RYR2: variants seen among roughly 807,000 people sequenced by gnomAD.
RYR2 encodes cardiac muscle ryanodine receptor-calcium release channel.
A neutral mutation model predicts 601.1 loss-of-function variants in RYR2; 227 were observed. The ratio of observed to expected loss-of-function variants is 0.38; its 90% CI spans 0.34 to 0.42. The LOEUF (loss-of-function observed/expected upper bound fraction) is 0.42. RYR2 is among the 10% of genes least tolerant of loss of function. The pLI is 1.00. For missense variants in RYR2, 4,646 were observed against 6,156.5 expected, an observed-to-expected ratio of 0.75 and a Z score of 8.21; for synonymous variants, 2,223 against 2,175.1, an observed-to-expected ratio of 1.02 and a Z score of -0.61.
chr1:237,667,972 A>T lies in RYR2; in HGVS notation c.8590+14A>T. On this transcript the variant is annotated intron_variant, in intron 58 of 104. Coordinates refer to ENST00000366574, the MANE Select transcript of RYR2 (RefSeq NM_001035.3). ...TGGAGTCCAAAGGTAATATTTTCTAAAAACGTTTATTAAAAAATAATCTGA... is the reference window on the plus strand; with the variant it reads ...TGGAGTCCAAAGGTAATATTTTCTATAAACGTTTATTAAAAAATAATCTGA... 1 of 1,545,706 alleles carries T rather than the reference A, an allele frequency of 6.5e-7. No homozygotes were observed. The highest frequency in any genetic ancestry group is 8.7e-7 in the Non-Finnish European group (1 of 1,142,922).
chr1:237,822,928 A>G (rs1169896627), intron 101 of RYR2, among the ~76,000 whole-genome samples: 3 of 152,220 alleles, frequency 2.0e-5, no homozygotes, highest in Non-Finnish European at 4.4e-5. Context: ...ACGAAGATCA[A>G]AAGAGACAAG....
At chr1:237,094,416 C>T (rs1022212034) in intron 1 of RYR2, among the ~76,000 whole-genome samples, 1 of 152,108 alleles carries the variant, frequency 6.6e-6, no homozygotes, top group African/African-American at 2.4e-5. Context: ...ACCATAGTAT[C>T]GTTTCTGTTT....
intron 35 of RYR2, among the ~76,000 whole-genome samples, chr1:237,602,684 T>C (rs1421409608): frequency 1.3e-5 from 2 of 152,174 alleles, no homozygotes; most frequent in African/African-American, 4.8e-5. Context: ...AAAGGATGCC[T>C]TCCAGAATGT....
intron 14 of RYR2, among the ~76,000 whole-genome samples, chr1:237,452,016 G>A (rs1018235969): frequency 6.8e-6 from 1 of 147,358 alleles, no homozygotes; most frequent in Admixed American, 6.9e-5. Context: ...GTGTGTTTGT[G>A]TTGTCTTCAG....
chr1:237,731,745 CAG>C (rs1314077159), intron 77 of RYR2, among the ~76,000 whole-genome samples: 2 of 151,944 alleles, frequency 1.3e-5, no homozygotes, highest in Non-Finnish European at 1.5e-5. Flanking sequence ...GGTAATGTAA[CAG>C]ATATCTAGCA....
Position 237,665,383 on chromosome 1 carries a change from G to T in RYR2, c.8437-1129G>T, listed in dbSNP as rs576512734. Among the ~76,000 whole-genome samples the T allele has an allele frequency of 4.9e-5, 7 of 143,616 alleles. 1 individual carries two copies. The East Asian group carries it at 1.3e-3, about 26-fold the overall frequency. 94.2% of individuals were successfully genotyped at this position (143,616 alleles called of 152,430 possible). ...CACTGCACTCCAGCCTGGTGACAGA[G>T]CGAGACTCTGTCTCAAAAAAAAAAA... On this transcript the variant is annotated intron_variant, in intron 56 of 104. Coordinates refer to ENST00000366574, the MANE Select transcript of RYR2 (RefSeq NM_001035.3).
chr1:237,497,788 A>G (rs1664228876), intron 20 of RYR2, among the ~76,000 whole-genome samples: 1 of 152,170 alleles, frequency 6.6e-6, no homozygotes, highest in Admixed American at 6.5e-5. Flanking sequence ...ATACTTACTG[A>G]ATTCTTTCTT....
Position 237,416,342 on chromosome 1 carries a change from C to A in RYR2, c.774-707C>A, listed in dbSNP as rs142223222. 8.5e-3 allele frequency among the ~76,000 whole-genome samples: 1,297 copies of A among 152,232 alleles called. 26 individuals are homozygous for A. Among genetic ancestry groups the A allele is most frequent in the African/African-American group, 0.03 (1,246 of 41,522 alleles). On this transcript the variant is annotated intron_variant, in intron 10 of 104. Coordinates refer to ENST00000366574, the MANE Select transcript of RYR2 (RefSeq NM_001035.3). The stretch of plus-strand genomic sequence containing the variant: ...GAAAGAAAGAGGGCATGTGCATCAG[C>A]TTTGGTTTCCAAAATAATCTCAAGG...
At chr1:237,159,995 T>A (rs572044949) in intron 1 of RYR2, among the ~76,000 whole-genome samples, 5 of 152,332 alleles carry the variant, frequency 3.3e-5, no homozygotes, top group African/African-American at 1.2e-4. Context: ...AATTTGAATA[T>A]CTGAGATTAG....
chr1:237,383,038 A>C (rs1701667999), intron 8 of RYR2, among the ~76,000 whole-genome samples: 2 of 152,124 alleles, frequency 1.3e-5, no homozygotes, highest in Non-Finnish European at 2.9e-5. Context: ...AGTACCTGAA[A>C]GTTTAATAAA....
intron 1 of RYR2, among the ~76,000 whole-genome samples, chr1:237,065,975 A>G (rs1387909449): frequency 4.6e-5 from 7 of 152,186 alleles, no homozygotes; most frequent in African/African-American, 9.6e-5. Context: ...ACCGAGGGGG[A>G]AATCCCCACC....
chr1:237,277,714 G>A (rs1021577056), intron 2 of RYR2, among the ~76,000 whole-genome samples: 2 of 152,116 alleles, frequency 1.3e-5, no homozygotes, highest in African/African-American at 4.8e-5. Flanking sequence ...CAGCTACTCA[G>A]GAGGCTGAGG....
chr1:237,706,961 C>A lies in RYR2; in HGVS notation c.9593C>A (p.Pro3198Gln). Residue 3198 changes from proline to glutamine, a missense_variant, in exon 68 of 105, where the codon CCA becomes CAA. Around this residue, in one of 17 missense-constraint regions of RYR2, gnomAD observed 1,497 missense variants for 1,842.6 expected, o/e 0.81. Transcript: ENST00000366574. ...SSRERAALSLPTNVEDVCPNI... is the reference protein window; with the variant it reads ...SSRERAALSLQTNVEDVCPNI... The stretch of plus-strand genomic sequence containing the variant: ...TGTACTTCTCCAGCTCTCAGTTTGC[C>A]AACTAATGTGGAAGATGTTTGTCCA... 1 of 1,611,394 alleles carries A rather than the reference C, an allele frequency of 6.2e-7. No homozygotes were observed. Among genetic ancestry groups the A allele is most frequent in the South Asian group, 1.1e-5 (1 of 90,972 alleles).
At position 237,650,031 on chromosome 1, in the gene RYR2, C is replaced by G. The variant is rs1682572451; in HGVS notation, c.7667C>G (p.Ser2556Cys). Residue 2556 changes from serine (S) to cysteine (C), a missense_variant, in exon 50 of 105, where the codon TCT becomes TGT. Physicochemically the swap from Ser to Cys is moderately radical, Grantham distance 112. Coordinates refer to ENST00000366574, the MANE Select transcript of RYR2 (RefSeq NM_001035.3). The stretch of plus-strand genomic sequence containing the variant: ...TTACTTCATACTGTGTATAGACTTT[C>G]TAAGGGCTGTTCACTTACCAAAGCT... Reference protein sequence around the residue: ...DSLLHTVYRLSKGCSLTKAQR... With the variant: ...DSLLHTVYRLCKGCSLTKAQR... The G allele has an allele frequency of 6.2e-7, 1 of 1,613,914 alleles. No homozygotes were observed. The highest frequency in any genetic ancestry group is 8.5e-7 in the Non-Finnish European group (1 of 1,179,898).
intron 67 of RYR2, 128 bp from the exon 68 acceptor site, chr1:237,706,821 G>A: frequency 1.4e-6 from 1 of 719,594 alleles, no homozygotes; most frequent in African/African-American, 1.7e-5. Flanking sequence ...AGGAGAAGGA[G>A]CCAGTTGCAG....
intron 1 of RYR2, among the ~76,000 whole-genome samples, chr1:237,122,051 T>C (rs146921346): frequency 6.6e-6 from 1 of 152,306 alleles, no homozygotes; most frequent in African/African-American, 2.4e-5. Flanking sequence ...GGGCTCAACA[T>C]TTTTTATCAG....
intron 25 of RYR2, among the ~76,000 whole-genome samples, chr1:237,535,569 G>C (rs988331049): frequency 1.3e-5 from 2 of 151,326 alleles, no homozygotes; most frequent in African/African-American, 4.9e-5. Context: ...CTCACATAAA[G>C]AGGAAGAAAC....
At chr1:237,151,700 G>A (rs1558326058) in intron 1 of RYR2, among the ~76,000 whole-genome samples, 1 of 152,176 alleles carries the variant, frequency 6.6e-6, no homozygotes, top group Non-Finnish European at 1.5e-5. Flanking sequence ...TGATGCAGAC[G>A]TCATGATGAC....
chr1:237,277,697 G>C (rs537195973), intron 2 of RYR2, among the ~76,000 whole-genome samples: 62 of 152,272 alleles, frequency 4.1e-4, no homozygotes, highest in Non-Finnish European at 7.4e-5. Context: ...GCATGTGCCT[G>C]TGGTCCCAGC....
Sources: allele counts gnomAD v4.1 joint callset (sites outside exome capture counted in the v4.1 genomes callset), GRCh38; gene constraint gnomAD v4.1.1; regional missense constraint gnomAD v4.1.1; transcripts MANE v1.5; gene names NCBI Gene and HGNC (gene_info 2026-07-23, HGNC 2026-07-21).